The following HIVEP3 variants were observed in gnomAD, a reference collection of about 807,000 sequenced individuals.
The protein encoded by HIVEP3 is HIVEP zinc finger 3.
In HIVEP3, 49 loss-of-function variants were observed where a neutral mutation model predicts 152.8. That is an observed-to-expected ratio of 0.32 (90% CI 0.26 to 0.41). The LOEUF is 0.41. HIVEP3 is among the 10% of genes least tolerant of loss of function. The pLI is 1.00. For missense variants in HIVEP3, 2,790 were observed against 3,103.3 expected (o/e 0.90, Z 2.40); for synonymous variants, 1,269 against 1,289.0 (o/e 0.98, Z 0.33).
intron 2 of HIVEP3, among the ~76,000 whole-genome samples, chr1:41,633,340 C>A (rs181316041): frequency 2.0e-3 from 305 of 152,288 alleles, no homozygotes; most frequent in African/African-American, 7.1e-3. Context: ...GCTAGCCTCA[C>A]CCAGCCGGGC....
At chr1:41,512,404 G>T (rs1378980692) in intron 8 of HIVEP3, among the ~76,000 whole-genome samples, 2 of 152,198 alleles carry the variant, frequency 1.3e-5, no homozygotes, top group Non-Finnish European at 2.9e-5. Flanking sequence ...ATGAGTAAAA[G>T]CTGCTTGAGG....
chr1:42,032,118 A>C (rs1224166135), intron 1 of HIVEP3, among the ~76,000 whole-genome samples: 1 of 152,238 alleles, frequency 6.6e-6, no homozygotes, highest in East Asian at 1.9e-4. Context: ...ACATCTCCCT[A>C]CAAAATCAGA....
At chr1:42,002,802 C>T (rs1211413567) in intron 1 of HIVEP3, among the ~76,000 whole-genome samples, 3 of 152,108 alleles carry the variant, frequency 2.0e-5, no homozygotes, top group Non-Finnish European at 2.9e-5. Context: ...CCCACCCTGC[C>T]CACATGCTCA....
chr1:41,542,097 T>C (rs1643544030), intron 5 of HIVEP3: 2 of 152,216 alleles, frequency 1.3e-5, no homozygotes, highest in Non-Finnish European at 2.9e-5. Context: ...CATTCTTCAA[T>C]AGTGGAAGGA....
At chr1:41,835,297 G>A (rs1210398231) in intron 1 of HIVEP3, among the ~76,000 whole-genome samples, 1 of 152,144 alleles carries the variant, frequency 6.6e-6, no homozygotes, top group African/African-American at 2.4e-5. Context: ...CAAAGTCCCA[G>A]CCAATTAGGT....
intron 1 of HIVEP3, among the ~76,000 whole-genome samples, chr1:41,747,557 C>T (rs1251028339): frequency 1.3e-5 from 2 of 152,238 alleles, no homozygotes; most frequent in Non-Finnish European, 2.9e-5. Context: ...TCCTAGAGAT[C>T]ACCACCATTC....
intron 2 of HIVEP3, among the ~76,000 whole-genome samples, chr1:41,685,401 C>T (rs190255422): frequency 6.6e-6 from 1 of 152,330 alleles, no homozygotes; most frequent in East Asian, 1.9e-4. Flanking sequence ...GCTGCAGATA[C>T]AGTACAAGTC....
At chr1:41,829,855 A>G (rs570551553) in intron 1 of HIVEP3, among the ~76,000 whole-genome samples, 67 of 152,056 alleles carry the variant, frequency 4.4e-4, no homozygotes, top group African/African-American at 1.6e-3. Flanking sequence ...CTCACCTGTA[A>G]AGCGGAAAGA....
chr1:41,879,614 T>C (rs1436970789), intron 1 of HIVEP3, among the ~76,000 whole-genome samples: 1 of 152,198 alleles, frequency 6.6e-6, no homozygotes, highest in Non-Finnish European at 1.5e-5. Flanking sequence ...AGTCCTCCCT[T>C]CATCTCCCTG....
intron 1 of HIVEP3, among the ~76,000 whole-genome samples, chr1:41,793,726 A>G (rs1261106730): frequency 6.6e-6 from 1 of 152,246 alleles, no homozygotes; most frequent in East Asian, 1.9e-4. Context: ...AATTTTTACT[A>G]TGTCAGCCAC....
At chr1:41,777,047 T>G (rs1648748205) in intron 1 of HIVEP3, among the ~76,000 whole-genome samples, 1 of 152,168 alleles carries the variant, frequency 6.6e-6, no homozygotes, top group Non-Finnish European at 1.5e-5. Context: ...TCTCTTCCCC[T>G]GGGTTACTCC....
intron 4 of HIVEP3, 32 bp from the exon 5 acceptor site, chr1:41,575,721 C>A: frequency 6.2e-7 from 1 of 1,610,926 alleles, no homozygotes; most frequent in South Asian, 1.1e-5. Context: ...AAAATCATTG[C>A]TGGTTAAAAG....
intron 3 of HIVEP3, among the ~76,000 whole-genome samples, chr1:41,613,265 G>C (rs1022066245): frequency 6.6e-6 from 1 of 152,262 alleles, no homozygotes. Flanking sequence ...TTCCAGCCCA[G>C]GCCACTCACA....
chr1:42,004,249 T>C (rs1353397159), intron 1 of HIVEP3, among the ~76,000 whole-genome samples: 1 of 152,128 alleles, frequency 6.6e-6, no homozygotes, highest in Non-Finnish European at 1.5e-5. Context: ...CCCACATCCA[T>C]CCACTGTAGG....
At chr1:41,643,888 C>CCCTTTTT (rs1645417304) in intron 2 of HIVEP3, among the ~76,000 whole-genome samples, 1 of 41,132 alleles carries the variant, frequency 2.4e-5, no homozygotes, top group African/African-American at 2.0e-4. Context: ...CCTTCCCATC[C>CCCTTTTT]TCTTTTTTTT....
At chr1:41,921,857 T>C (rs1180974901), upstream of HIVEP3, among the ~76,000 whole-genome samples, 1 of 152,060 alleles carries the variant, frequency 6.6e-6, no homozygotes, top group Non-Finnish European at 1.5e-5. Flanking sequence ...AAAGGTTGAA[T>C]AGGGGCAGGA....
chr1:41,800,320 C>T (rs1208700923), intron 1 of HIVEP3, among the ~76,000 whole-genome samples: 2 of 152,202 alleles, frequency 1.3e-5, no homozygotes, highest in Non-Finnish European at 2.9e-5. Context: ...CAGTTCTGGC[C>T]TCTGCCTTAA....
chr1:41,527,782 A>C (rs1643045904), intron 5 of HIVEP3, among the ~76,000 whole-genome samples: 1 of 138,434 alleles, frequency 7.2e-6, no homozygotes, highest in Non-Finnish European at 1.6e-5. Flanking sequence ...TCCTGCACTC[A>C]CACTCGTTCT....
intron 1 of HIVEP3, among the ~76,000 whole-genome samples, chr1:41,756,508 C>A (rs1570469098): frequency 6.6e-6 from 1 of 152,096 alleles, no homozygotes; most frequent in African/African-American, 2.4e-5. Flanking sequence ...ATTAAAAAGG[C>A]ACCAAAGAGC....
Sources: allele counts gnomAD v4.1 joint callset (sites outside exome capture counted in the v4.1 genomes callset), GRCh38; gene constraint gnomAD v4.1.1; transcripts MANE v1.5; gene names NCBI Gene and HGNC (gene_info 2026-07-23, HGNC 2026-07-21).